The following FAM120B variants were observed in gnomAD, a reference collection of about 807,000 sequenced individuals.
FAM120B encodes family with sequence similarity 120 member B.
In FAM120B, 83 loss-of-function variants were observed where a neutral mutation model predicts 96.3. The observed-to-expected ratio is 0.86, with a 90% CI of 0.72 to 1.03. FAM120B has a LOEUF of 1.03. FAM120B is among the 50% of genes least tolerant of loss of function. FAM120B has a pLI of 0.00. For synonymous variants in FAM120B, 407 were observed against 402.7 expected (o/e 1.01, Z -0.13); for missense variants, 1,027 against 1,121.2 (o/e 0.92, Z 1.20).
At chr6:170,297,905 C>G (rs573757825) in intron 1 of FAM120B, 1 of 152,182 alleles carries the variant, frequency 6.6e-6, no homozygotes, top group African/African-American at 2.4e-5. Context: ...TTATTAAACT[C>G]TAGCGGTTGT....
intron 9 of FAM120B, among the ~76,000 whole-genome samples, chr6:170,402,968 G>T (rs757786201): frequency 6.6e-6 from 1 of 152,174 alleles, no homozygotes; most frequent in African/African-American, 2.4e-5. Context: ...GTGGTGATGC[G>T]TGTGGGTTTG....
At chr6:170,341,835 T>G (rs1171099283) in intron 4 of FAM120B, among the ~76,000 whole-genome samples, 3 of 152,196 alleles carry the variant, frequency 2.0e-5, no homozygotes, top group Non-Finnish European at 4.4e-5. Flanking sequence ...CCCATTGAGA[T>G]GAACCAGGTA....
chr6:170,381,386 G>A (rs1002214810), intron 6 of FAM120B, among the ~76,000 whole-genome samples: 1 of 152,042 alleles, frequency 6.6e-6, no homozygotes, highest in Non-Finnish European at 1.5e-5. Flanking sequence ...AATTGAATCC[G>A]TAGTTTGCAA....
intron 1 of FAM120B, among the ~76,000 whole-genome samples, chr6:170,310,244 G>A (rs987589309): frequency 6.6e-6 from 1 of 152,210 alleles, no homozygotes; most frequent in South Asian, 2.1e-4. Context: ...GCACAGTGTG[G>A]GTAGGAAAGG....
intron 4 of FAM120B, among the ~76,000 whole-genome samples, chr6:170,346,560 A>G (rs1430626206): frequency 6.6e-6 from 1 of 152,244 alleles, no homozygotes; most frequent in East Asian, 1.9e-4. Context: ...TTTGCAGGCC[A>G]CATGGTCTCT....
intron 7 of FAM120B, among the ~76,000 whole-genome samples, chr6:170,389,577 GAAAC>G (rs1790375138): frequency 6.8e-6 from 1 of 147,058 alleles, no homozygotes; most frequent in Non-Finnish European, 1.5e-5. Flanking sequence ...TTTTTTTTTT[GAAAC>G]AGGGTCTTGC....
intron 4 of FAM120B, among the ~76,000 whole-genome samples, chr6:170,340,343 G>A (rs377109803): frequency 6.6e-6 from 1 of 152,298 alleles, no homozygotes. Flanking sequence ...GCTCCATCGG[G>A]TTATTTATGT....
chr6:170,302,299 A>T (rs1784156977), upstream of FAM120B, among the ~76,000 whole-genome samples: 1 of 152,184 alleles, frequency 6.6e-6, no homozygotes, highest in Non-Finnish European at 1.5e-5. Flanking sequence ...ATGAGAACTC[A>T]ATCACTATCA....
At chr6:170,347,364 G>C (rs1377596745) in intron 4 of FAM120B, among the ~76,000 whole-genome samples, 4 of 152,186 alleles carry the variant, frequency 2.6e-5, no homozygotes, top group Non-Finnish European at 4.4e-5. Flanking sequence ...GCACCTTTCT[G>C]TTTGTCAGAG....
chr6:170,314,294 TA>T (rs1348097966), intron 1 of FAM120B, among the ~76,000 whole-genome samples: 4 of 152,356 alleles, frequency 2.6e-5, no homozygotes, highest in Admixed American at 6.5e-5. Context: ...TCTTTGGCCA[TA>T]ATTGAAGTCT....
intron 6 of FAM120B, among the ~76,000 whole-genome samples, chr6:170,359,649 G>C (rs1788211504): frequency 6.6e-6 from 1 of 152,094 alleles, no homozygotes; most frequent in Non-Finnish European, 1.5e-5. Flanking sequence ...ATGTTGCCCA[G>C]GCTGGTCTCA....
intron 1 of FAM120B, among the ~76,000 whole-genome samples, chr6:170,316,769 G>A (rs1784927250): frequency 6.6e-6 from 1 of 152,178 alleles, no homozygotes; most frequent in Non-Finnish European, 1.5e-5. Flanking sequence ...TGACCACTAA[G>A]TGGTTAATGT....
intron 8 of FAM120B, among the ~76,000 whole-genome samples, chr6:170,394,779 A>T (rs1225641925): frequency 1.3e-5 from 2 of 152,246 alleles, no homozygotes; most frequent in African/African-American, 2.4e-5. Context: ...CTTCCCTCAT[A>T]GCTAAAGCCC....
intron 6 of FAM120B, among the ~76,000 whole-genome samples, chr6:170,368,888 A>G (rs1788989498): frequency 6.6e-6 from 1 of 152,046 alleles, no homozygotes; most frequent in Non-Finnish European, 1.5e-5. Context: ...GTTGGAGAGC[A>G]GAGAGCAGTC....
intron 1 of FAM120B, among the ~76,000 whole-genome samples, chr6:170,296,650 G>C (rs1228699106): frequency 6.6e-6 from 1 of 151,926 alleles, no homozygotes; most frequent in Non-Finnish European, 1.5e-5. Context: ...GGCGGGGCCG[G>C]GGCGCGCCCT....
At chr6:170,383,661 C>A (rs946368860) in intron 6 of FAM120B, among the ~76,000 whole-genome samples, 1 of 152,204 alleles carries the variant, frequency 6.6e-6, no homozygotes, top group South Asian at 2.1e-4. Flanking sequence ...CAAATTCTGG[C>A]GAGGATGCAG....
At chr6:170,365,536 C>T (rs1439994736) in intron 6 of FAM120B, among the ~76,000 whole-genome samples, 2 of 152,216 alleles carry the variant, frequency 1.3e-5, no homozygotes, top group African/African-American at 4.8e-5. Context: ...ATAGCAGATG[C>T]TGAAGCATGA....
chr6:170,323,327 T>G, intron 3 of FAM120B, 68 bp downstream of exon 3: 1 of 1,269,722 alleles, frequency 7.9e-7, no homozygotes, highest in Non-Finnish European at 1.1e-6. Context: ...ACTGGCCAGA[T>G]GAAATAGAGT....
chr6:170,330,376 G>A, intron 3 of FAM120B, 73 bp from the exon 4 acceptor site: 1 of 1,195,706 alleles, frequency 8.4e-7, no homozygotes, highest in Non-Finnish European at 1.2e-6. Context: ...CCTGGGCAGA[G>A]CTGGGTCTGT....
Sources: allele counts gnomAD v4.1 joint callset (sites outside exome capture counted in the v4.1 genomes callset), GRCh38; gene constraint gnomAD v4.1.1; transcripts MANE v1.5; gene names NCBI Gene and HGNC (gene_info 2026-07-23, HGNC 2026-07-21).